Variants in TRIM31 observed in about 807,000 individuals in gnomAD.
TRIM31 encodes the protein tripartite motif containing 31.
In TRIM31, 31 loss-of-function variants were observed where a neutral mutation model predicts 40.6. The observed-to-expected ratio is 0.76, with a 90% CI of 0.57 to 1.03. The LOEUF (loss-of-function observed/expected upper bound fraction) is 1.03. TRIM31 is among the 50% of genes least tolerant of loss of function. The pLI is 0.00. For synonymous variants in TRIM31, 164 were observed against 193.9 expected (o/e 0.85, Z 1.28); for missense variants, 455 against 497.5 (o/e 0.91, Z 0.81).
At chr6:30,108,984 A>G (rs375802651) in intron 5 of TRIM31, 42 bp downstream of exon 5, 1 of 1,606,416 alleles carries the variant, frequency 6.2e-7, no homozygotes, top group African/African-American at 1.3e-5. Context: ...TTGTGTGTGG[A>G]TGAATCAGTA....
intron 3 of TRIM31, 188 bp downstream of exon 3, chr6:30,111,460 A>C: frequency 1.7e-6 from 1 of 588,954 alleles, no homozygotes. Flanking sequence ...GAGACTGAGC[A>C]GTCAGCCCGC....
intron 6 of TRIM31, among the ~76,000 whole-genome samples, chr6:30,107,457 C>T (rs569021821): frequency 1.3e-5 from 2 of 152,268 alleles, no homozygotes; most frequent in East Asian, 1.9e-4. Flanking sequence ...TAGACCAACA[C>T]AGTCTTCACA....
chr6:30,112,247 G>T, intron 2 of TRIM31, 142 bp downstream of exon 2: 1 of 859,906 alleles, frequency 1.2e-6, no homozygotes, highest in Non-Finnish European at 1.8e-6. Flanking sequence ...TGAACCCACT[G>T]TGCCTGACTG....
At chr6:30,105,292 C>A in intron 6 of TRIM31, 50 bp from the exon 7 acceptor site, 1 of 1,437,842 alleles carries the variant, frequency 7.0e-7, no homozygotes, top group Non-Finnish European at 9.7e-7. Context: ...AGGGGTTGAG[C>A]AAAGAACTCA....
Position 30,111,842 on chromosome 6 carries a change from G to A in TRIM31, c.418-99C>T. On this transcript the variant is annotated intron_variant, in intron 2 of 8. Coordinates refer to ENST00000376734, the MANE Select transcript of TRIM31 (RefSeq NM_007028.5). The stretch of plus-strand genomic sequence containing the variant: ...GGAGAGCTGGTGACACTCTCCAGGT[G>A]AGTCCTTGTGTAATTATTAAGGACT... The A allele has an allele frequency of 2.8e-6, 3 of 1,079,438 alleles. No homozygotes were observed. In the South Asian group the frequency reaches 4.1e-5, roughly 15 times the overall value. 66.9% of individuals were successfully genotyped at this position (1,079,438 alleles called of 1,614,324 possible).
In TRIM31 at chr6:30,104,101, C is replaced by A. The variant is rs1281384472; in HGVS notation, c.1024+1G>T. The A allele has an allele frequency of 1.2e-6, 2 of 1,613,008 alleles. No homozygotes were observed. On this transcript the variant is annotated splice_donor_variant, in intron 8 of 8. Transcript: ENST00000376734. LOFTEE classifies it high-confidence loss of function. ...TTAGTATTCAGAGACAGGACTCTTA[C>A]CTGCAGAAGATGACCCGGGCTCTGA...
At chr6:30,109,650 G>A (rs1030658741) in intron 4 of TRIM31, among the ~76,000 whole-genome samples, 4 of 152,146 alleles carry the variant, frequency 2.6e-5, no homozygotes, top group African/African-American at 9.7e-5. Context: ...GGAGGCTGAG[G>A]TGGGCAGATC....
In TRIM31 at chr6:30,103,835, C is replaced by A. The variant is rs745417743; in HGVS notation, c.1025-46G>T. The A allele has an allele frequency of 3.1e-6, 5 of 1,608,868 alleles. No individual in the cohort carries two copies. In the African/African-American group the frequency reaches 5.4e-5, roughly 17 times the overall value. On this transcript the variant is annotated intron_variant, in intron 8 of 8. Coordinates refer to ENST00000376734, the MANE Select transcript of TRIM31 (RefSeq NM_007028.5). ...AGAAAAGAGGTCAGCGGGAGCACCT[C>A]GGCAGCAATCCTCCATTGCCAGACA...
At chr6:30,111,189 C>A in intron 3 of TRIM31, 1 of 177,594 alleles carries the variant, frequency 5.6e-6, no homozygotes. Context: ...TGTGCTACCA[C>A]GCCCGGCTAG....
intron 5 of TRIM31, 47 bp from the exon 6 acceptor site, chr6:30,108,215 G>A (rs1343448982): frequency 1.2e-5 from 17 of 1,361,650 alleles, no homozygotes; most frequent in Non-Finnish European, 1.8e-5. Context: ...GGGATGAGGT[G>A]TGGGAGAAGG....
chr6:30,112,863 C>T lies in TRIM31; in HGVS notation c.-58G>A. 6.6e-7 allele frequency: 1 copy of T among 1,516,244 alleles called. No individual in the cohort carries two copies. The highest frequency in any genetic ancestry group is 8.8e-7 in the Non-Finnish European group (1 of 1,133,260). 93.9% of individuals were successfully genotyped at this position (1,516,244 alleles called of 1,614,324 possible). A position where few individuals can be genotyped will look rare whatever the true frequency, so the allele number is the denominator to read the frequency against. On this transcript the variant is annotated 5_prime_UTR_variant, in exon 2 of 9. Coordinates refer to ENST00000376734, the MANE Select transcript of TRIM31 (RefSeq NM_007028.5). ...GAAGCTGTGCCAAGTCTGTAGGAGC[C>T]CCGGAGTCCACTGTGGATACTGTTT... is the stretch of plus-strand genomic sequence containing the variant.
chr6:30,110,398 A>T (rs1769172220), intron 4 of TRIM31, 50 bp downstream of exon 4: 1 of 1,577,766 alleles, frequency 6.3e-7, no homozygotes, highest in Non-Finnish European at 8.7e-7. Context: ...CTGACCTGAG[A>T]CTAGGGATGG....
intron 5 of TRIM31, chr6:30,108,671 A>G: frequency 4.7e-6 from 2 of 429,038 alleles, no homozygotes; most frequent in African/African-American, 2.0e-5. Flanking sequence ...GGGCATAGGG[A>G]GATATGGAAA....
intron 2 of TRIM31, 126 bp from the exon 3 acceptor site, chr6:30,111,869 G>A (rs1769367184): frequency 3.5e-6 from 3 of 855,138 alleles, no homozygotes; most frequent in South Asian, 1.6e-5. Context: ...TTAAGGACTC[G>A]CCTTTCTCAA....
intron 3 of TRIM31, among the ~76,000 whole-genome samples, chr6:30,110,950 T>A (rs1003248319): frequency 3.9e-5 from 6 of 152,068 alleles, no homozygotes; most frequent in African/African-American, 1.2e-4. Flanking sequence ...CAGTTTATAA[T>A]CTTTCATATA....
At chr6:30,111,448 T>G (rs1163070501) in intron 3 of TRIM31, 200 bp downstream of exon 3, 1 of 567,006 alleles carries the variant, frequency 1.8e-6, no homozygotes, top group Non-Finnish European at 3.1e-6. Flanking sequence ...TGTCTGCCGG[T>G]GGAGACTGAG....
At chr6:30,110,855 C>T (rs1582509310) in intron 3 of TRIM31, among the ~76,000 whole-genome samples, 177 bp from the exon 4 acceptor site, 1 of 152,224 alleles carries the variant, frequency 6.6e-6, no homozygotes, top group Non-Finnish European at 1.5e-5. Context: ...GCACCTACTA[C>T]GTGCTCAGCT....
chr6:30,106,524 T>A (rs1230611505), intron 6 of TRIM31, among the ~76,000 whole-genome samples: 2 of 152,168 alleles, frequency 1.3e-5, no homozygotes, highest in Non-Finnish European at 2.9e-5. Flanking sequence ...ACCTCCTGTA[T>A]TTCCTAGGCT....
At chr6:30,109,516 A>T (rs1769082105) in intron 4 of TRIM31, among the ~76,000 whole-genome samples, 1 of 152,220 alleles carries the variant, frequency 6.6e-6, no homozygotes, top group Non-Finnish European at 1.5e-5. Flanking sequence ...GTGGCTACTG[A>T]ACATTGGAAA....
Sources: allele counts gnomAD v4.1 joint callset (sites outside exome capture counted in the v4.1 genomes callset), GRCh38; gene constraint gnomAD v4.1.1; transcripts MANE v1.5; gene names NCBI Gene and HGNC (gene_info 2026-07-23, HGNC 2026-07-21).